Variants in KCNIP4 observed in about 807,000 individuals in gnomAD.
The protein encoded by KCNIP4 is Kv channel-interacting protein 4.
KCNIP4 carries 12 observed loss-of-function variants against 34.0 expected under a neutral mutation model. The observed-to-expected ratio is 0.35, with a 90% CI of 0.23 to 0.57. KCNIP4 has a LOEUF of 0.57. KCNIP4 is among the 20% of genes least tolerant of loss of function. The probability of loss-of-function intolerance (pLI) is 0.83; values close to 1 mark genes in which losing one functional copy is unlikely to be tolerated. For missense variants in KCNIP4, 238 were observed against 311.7 expected, an observed-to-expected ratio of 0.76 and a Z score of 1.78; for synonymous variants, 124 against 102.2, an observed-to-expected ratio of 1.21 and a Z score of -1.29.
At chr4:21,616,596 C>A (rs375900635) in intron 1 of KCNIP4, among the ~76,000 whole-genome samples, 18 of 152,118 alleles carry the variant, frequency 1.2e-4, no homozygotes, top group African/African-American at 4.3e-4. Flanking sequence ...CAGGACCAAA[C>A]TTTCTCTGAA....
At chr4:21,809,282 C>G (rs1721483714) in intron 1 of KCNIP4, among the ~76,000 whole-genome samples, 1 of 152,162 alleles carries the variant, frequency 6.6e-6, no homozygotes, top group South Asian at 2.1e-4. Context: ...CCATCTTCTC[C>G]TGCTCTTGGA....
chr4:21,033,069 TCTA>T (rs1232212701), intron 1 of KCNIP4, among the ~76,000 whole-genome samples: 2 of 152,132 alleles, frequency 1.3e-5, no homozygotes, highest in Admixed American at 6.6e-5. Context: ...AAGAAAGTGT[TCTA>T]CTACTACTAA....
chr4:21,087,405 C>T lies in KCNIP4; in HGVS notation c.62-204696G>A, dbSNP rs998955625. Among the ~76,000 whole-genome samples, 23 of 151,986 alleles carry T rather than the reference C, an allele frequency of 1.5e-4. 1 individual carries two copies. Among genetic ancestry groups the T allele is most frequent in the Admixed American group, 1.1e-3 (17 of 15,248 alleles). ...GTTAGCCAGGATAGTCTCAATCTTC[C>T]TGACCTCATGATCTGCCCACCTCAG... On this transcript the variant is annotated intron_variant, in intron 1 of 8. Transcript: ENST00000382152.
At chr4:21,365,831 T>G (rs1019404425) in intron 1 of KCNIP4, among the ~76,000 whole-genome samples, 7 of 152,344 alleles carry the variant, frequency 4.6e-5, no homozygotes, top group Admixed American at 6.5e-5. Context: ...ATTCCAGTTT[T>G]AAGCAGCTCA....
chr4:20,869,749 A>G (rs1473970488), intron 2 of KCNIP4, among the ~76,000 whole-genome samples: 1 of 152,166 alleles, frequency 6.6e-6, no homozygotes, highest in Non-Finnish European at 1.5e-5. Context: ...AATGATGACT[A>G]TTATAATTAT....
At chr4:21,525,146 C>T (rs1735866482) in intron 1 of KCNIP4, among the ~76,000 whole-genome samples, 1 of 152,088 alleles carries the variant, frequency 6.6e-6, no homozygotes, top group Non-Finnish European at 1.5e-5. Flanking sequence ...CCAAAAATAT[C>T]TCAAAAAGAG....
intron 1 of KCNIP4, among the ~76,000 whole-genome samples, chr4:21,660,269 A>G (rs1748335144): frequency 6.6e-6 from 1 of 152,162 alleles, no homozygotes; most frequent in South Asian, 2.1e-4. Flanking sequence ...TGGGAGCATC[A>G]TTCTTCATAT....
At chr4:21,246,788 A>G (rs943426489) in intron 1 of KCNIP4, among the ~76,000 whole-genome samples, 8 of 152,228 alleles carry the variant, frequency 5.3e-5, no homozygotes, top group Non-Finnish European at 1.0e-4. Context: ...AAGAAAAATT[A>G]GTTCTTCAGA....
chr4:20,767,756 A>T (rs570379573), intron 3 of KCNIP4, among the ~76,000 whole-genome samples: 119 of 152,316 alleles, frequency 7.8e-4, no homozygotes, highest in Non-Finnish European at 1.3e-3. Context: ...CCTCAGGATC[A>T]GAATTGTTAT....
chr4:21,458,273 T>C (rs1729137986), intron 1 of KCNIP4, among the ~76,000 whole-genome samples: 1 of 151,580 alleles, frequency 6.6e-6, no homozygotes, highest in Admixed American at 6.6e-5. Context: ...GATAGTTTAC[T>C]GAGAATGATG....
intron 1 of KCNIP4, among the ~76,000 whole-genome samples, chr4:21,481,622 T>C (rs981677584): frequency 1.3e-5 from 2 of 152,148 alleles, no homozygotes; most frequent in African/African-American, 2.4e-5. Context: ...TTTAAAACAA[T>C]TGAATGTGTT....
intron 1 of KCNIP4, among the ~76,000 whole-genome samples, chr4:21,186,723 C>T (rs192864381): frequency 3.4e-4 from 52 of 152,306 alleles, no homozygotes; most frequent in African/African-American, 1.1e-3. Context: ...CATCTCACAG[C>T]GGCCTTCACC....
At chr4:21,766,671 T>C (rs896121) in intron 1 of KCNIP4, among the ~76,000 whole-genome samples, 74,892 of 151,972 alleles carry the variant, frequency 0.49, 20,386 homozygotes, top group Non-Finnish European at 0.63. Context: ...AAAATAAAGA[T>C]TATTATTATC....
intron 1 of KCNIP4, among the ~76,000 whole-genome samples, chr4:21,085,223 T>TTC (rs201264506): frequency 2.0e-5 from 3 of 151,644 alleles, no homozygotes; most frequent in African/African-American, 2.4e-5. Context: ...ACAAGAGAGA[T>TTC]TCTCTCTCTC....
At chr4:21,480,552 A>G (rs17524784) in intron 1 of KCNIP4, among the ~76,000 whole-genome samples, 19,016 of 152,216 alleles carry the variant, frequency 0.12, 1,352 homozygotes, top group South Asian at 0.21. Context: ...CAAAGCAAAC[A>G]TAAAATTTAG....
chr4:21,725,969 T>C (rs565001736), intron 1 of KCNIP4, among the ~76,000 whole-genome samples: 57 of 152,168 alleles, frequency 3.7e-4, no homozygotes, highest in Non-Finnish European at 6.8e-4. Context: ...ATCACTGATG[T>C]GTGCTGCTTT....
At chr4:21,677,192 G>A (rs1025721298) in intron 1 of KCNIP4, among the ~76,000 whole-genome samples, 1 of 152,088 alleles carries the variant, frequency 6.6e-6, no homozygotes, top group Non-Finnish European at 1.5e-5. Flanking sequence ...AGGGATTACT[G>A]ACAGTCTTCT....
intron 1 of KCNIP4, among the ~76,000 whole-genome samples, chr4:21,762,078 T>C (rs1204932906): frequency 2.0e-5 from 3 of 152,176 alleles, no homozygotes; most frequent in Non-Finnish European, 4.4e-5. Flanking sequence ...ATATAATATG[T>C]GCCACATATG....
chr4:20,939,054 AT>A lies in KCNIP4; in HGVS notation c.62-56346del, dbSNP rs775774279. On this transcript the variant is annotated intron_variant, in intron 1 of 8. Coordinates refer to ENST00000382152, the MANE Select transcript of KCNIP4 (RefSeq NM_025221.6). ...TCAAATTCAGTGACTCATTTTTCAC[AT>A]TTTTTTTTATTGGACTGTTCTGTTG... Among the ~76,000 whole-genome samples, 34 of 151,252 alleles carry A rather than the reference AT, an allele frequency of 2.2e-4. No homozygotes were observed. The East Asian group carries it at 4.7e-3, about 21-fold the overall frequency.
Sources: gnomAD v4.1 joint callset for allele counts (sites outside exome capture counted in the v4.1 genomes callset) on GRCh38, gnomAD v4.1.1 for gene constraint, MANE v1.5 for transcripts, NCBI Gene and HGNC (gene_info 2026-07-23, HGNC 2026-07-21) for gene names.